The following MRE11 variants were observed in gnomAD, a reference collection of about 807,000 sequenced individuals.
MRE11 encodes double-strand break repair protein MRE11.
Under a neutral mutation model 91.7 loss-of-function variants are expected in MRE11, and 62 were observed. That is an observed-to-expected ratio of 0.68 (90% CI 0.55 to 0.84). The LOEUF (loss-of-function observed/expected upper bound fraction) is 0.84. MRE11 is among the 40% of genes least tolerant of loss of function. The probability of loss-of-function intolerance (pLI) is 0.00; values close to 1 mark genes in which losing one functional copy is unlikely to be tolerated. For missense variants in MRE11, 796 were observed against 852.9 expected, an observed-to-expected ratio of 0.93 and a Z score of 0.83; for synonymous variants, 273 against 271.4, an observed-to-expected ratio of 1.01 and a Z score of -0.06.
rs116250383 is a variant in MRE11, at chr11:94,456,557, C to T, written c.1501-219G>A. Among the ~76,000 whole-genome samples, 877 of 152,044 alleles carry T rather than the reference C, an allele frequency of 5.8e-3. 5 individuals are homozygous for T. The highest frequency in any genetic ancestry group is 0.019 in the African/African-American group (795 of 41,488). The stretch of plus-strand genomic sequence containing the variant: ...ATTGACCCGAAGCAAAATTATATTA[C>T]CTGCTGCCAAAATGTTTCACATCAC... On this transcript the variant is annotated intron_variant, in intron 13 of 19. Coordinates refer to ENST00000323929, the MANE Select transcript of MRE11 (RefSeq NM_005591.4).
At chr11:94,477,161 T>C (rs375599781) in intron 6 of MRE11, among the ~76,000 whole-genome samples, 5 of 152,232 alleles carry the variant, frequency 3.3e-5, no homozygotes, top group African/African-American at 7.2e-5. Flanking sequence ...CTTCTAGTAA[T>C]ACTATTTTTC....
At chr11:94,440,561 T>A (rs912184096) in intron 16 of MRE11, among the ~76,000 whole-genome samples, 2 of 152,114 alleles carry the variant, frequency 1.3e-5, no homozygotes, top group Non-Finnish European at 2.9e-5. Context: ...ACTTTTCAAT[T>A]GGGAAAATGT....
intron 4 of MRE11, among the ~76,000 whole-genome samples, chr11:94,485,197 T>C (rs1478376867): frequency 1.3e-5 from 2 of 151,648 alleles, no homozygotes; most frequent in African/African-American, 4.9e-5. Context: ...GAGGTTGCAG[T>C]GAGCCAAGCT....
chr11:94,500,416 C>T, the MRE11 span, among the ~76,000 whole-genome samples: 1 of 152,186 alleles, frequency 6.6e-6, no homozygotes, highest in Non-Finnish European at 1.5e-5. Flanking sequence ...TTTATACTTT[C>T]CAGAGCATTC....
intron 16 of MRE11, 61 bp from the exon 17 acceptor site, chr11:94,437,296 C>T: frequency 6.6e-7 from 1 of 1,518,326 alleles, no homozygotes; most frequent in Non-Finnish European, 9.1e-7. Context: ...GAAAAACTTG[C>T]ATACTTCTTT....
chr11:94,471,518 A>T (rs1946710297), intron 8 of MRE11, 56 bp downstream of exon 8: 3 of 1,541,602 alleles, frequency 1.9e-6, no homozygotes, highest in Non-Finnish European at 2.7e-6. Context: ...CTATGAGATG[A>T]TTAGTTATTA....
rs747898039 is a variant in MRE11, at chr11:94,470,489, T to C, written c.999A>G (p.Gln333=). 1.1e-5 allele frequency: 18 copies of C among 1,612,974 alleles called. No homozygotes were observed. In the South Asian group the frequency reaches 1.9e-4, roughly 17 times the overall value. ...PDNPKVTQAI[Q]SFCLEKIEEM... The stretch of plus-strand genomic sequence containing the variant: ...GAATTACCTTCTCCAAACAGAAGCT[T>C]TGTATGGCTTGGGTTACTTTAGGAT... The change falls in exon 9 of 20, where the codon CAA becomes CAG. Residue 333 remains glutamine, a synonymous_variant. Coordinates refer to ENST00000323929, the MANE Select transcript of MRE11 (RefSeq NM_005591.4).
intron 17 of MRE11, 44 bp downstream of exon 17, chr11:94,437,133 A>G: frequency 6.6e-7 from 1 of 1,515,280 alleles, no homozygotes; most frequent in Non-Finnish European, 9.1e-7. Flanking sequence ...ATAATGCAGA[A>G]AACATAAATT....
intron 11 of MRE11, among the ~76,000 whole-genome samples, chr11:94,461,602 T>C (rs577745306): frequency 1.3e-5 from 2 of 152,232 alleles, no homozygotes; most frequent in South Asian, 4.2e-4. Context: ...TTCAACACAG[T>C]GTTGGAAGTT....
At chr11:94,511,747 T>G in the MRE11 span, among the ~76,000 whole-genome samples, 1 of 152,164 alleles carries the variant, frequency 6.6e-6, no homozygotes, top group Non-Finnish European at 1.5e-5. Context: ...ACATTCAACT[T>G]CCATAAAATT....
intron 19 of MRE11, among the ~76,000 whole-genome samples, chr11:94,424,610 A>G (rs1181258826): frequency 6.6e-6 from 1 of 152,226 alleles, no homozygotes; most frequent in African/African-American, 2.4e-5. Context: ...AATCCAGTAA[A>G]ACAATTTTAC....
rs200213865 is a variant in MRE11 at position 94,476,384 on chromosome 11, C to T, written c.564G>A (p.Arg188=). ...LYGLGSIPDE[R]LYRMFVNKKV... ...TTTTATTGACAAACATTCGATAGAGCCTTTCATCTGGAATGGATCCTGAAA... is the reference window on the plus strand; with the variant it reads ...TTTTATTGACAAACATTCGATAGAGTCTTTCATCTGGAATGGATCCTGAAA... Residue 188 remains arginine, a synonymous_variant, in exon 7 of 20, where the codon AGG becomes AGA. Transcript: ENST00000323929. 8.7e-6 allele frequency: 14 copies of T among 1,610,016 alleles called. No homozygotes were observed. Among genetic ancestry groups the T allele is most frequent in the Non-Finnish European group, 1.2e-5 (14 of 1,176,768 alleles).
At chr11:94,512,084 C>T in the MRE11 span, among the ~76,000 whole-genome samples, 1 of 152,212 alleles carries the variant, frequency 6.6e-6, no homozygotes, top group Non-Finnish European at 1.5e-5. Flanking sequence ...GTGCCTTGCA[C>T]TCACCTGCAC....
intron 4 of MRE11, among the ~76,000 whole-genome samples, chr11:94,481,884 C>G (rs934604381): frequency 1.3e-5 from 2 of 152,092 alleles, no homozygotes; most frequent in African/African-American, 4.8e-5. Context: ...TCTACATGAA[C>G]TGTGAACTGG....
intron 6 of MRE11, among the ~76,000 whole-genome samples, chr11:94,478,357 A>C (rs1218858835): frequency 6.6e-6 from 1 of 152,216 alleles, no homozygotes; most frequent in Non-Finnish European, 1.5e-5. Flanking sequence ...CTAAAATATA[A>C]ATAACCATGA....
At position 94,416,261 on chromosome 11, in the gene MRE11, T is replaced by G. The variant is rs921570236; in HGVS notation, c.*3864A>C. On this transcript the variant is annotated 3_prime_UTR_variant, in exon 20 of 20. Coordinates refer to ENST00000323929, the MANE Select transcript of MRE11 (RefSeq NM_005591.4). ...CTGAATTTGAAGAATAAAAATGCAT[T>G]GCTTTCACCACTTAAAAAGAGCTAA... The G allele has an allele frequency of 1.3e-5, 2 of 152,226 alleles. No individual in the cohort carries two copies. The highest frequency in any genetic ancestry group is 2.9e-5 in the Non-Finnish European group (2 of 68,036). 9.4% of individuals were successfully genotyped at this position (152,226 alleles called of 1,614,324 possible).
At chr11:94,454,955 T>C (rs140699939) in intron 14 of MRE11, among the ~76,000 whole-genome samples, 10 of 152,300 alleles carry the variant, frequency 6.6e-5, no homozygotes, top group Admixed American at 1.3e-4. Context: ...AATAGAAATA[T>C]AATAAACGTG....
rs1462659440 is a variant in MRE11, at chr11:94,445,226, T to A, written c.1867+584A>T. Among the ~76,000 whole-genome samples, 34 of 152,254 alleles carry A rather than the reference T, an allele frequency of 2.2e-4. 2 individuals carry two copies. Among genetic ancestry groups the A allele is most frequent in the Admixed American group, 2.2e-3 (34 of 15,290 alleles). ...CACTGTCCATATAGTGACCAACTAC[T>A]TCACTTTCCTGTTTCCAGGGTCTCT... On this transcript the variant is annotated intron_variant, in intron 16 of 19. Transcript: ENST00000323929.
chr11:94,452,729 AT>A (rs970981432), intron 14 of MRE11, among the ~76,000 whole-genome samples: 2 of 152,188 alleles, frequency 1.3e-5, no homozygotes, highest in African/African-American at 4.8e-5. Context: ...AGCTTAACTC[AT>A]GAGTGCAGGT....
Sources: allele counts gnomAD v4.1 joint callset (sites outside exome capture counted in the v4.1 genomes callset), GRCh38; gene constraint gnomAD v4.1.1; transcripts MANE v1.5; gene names NCBI Gene and HGNC (gene_info 2026-07-23, HGNC 2026-07-21).